The following PSME4 variants were observed in gnomAD, a reference collection of about 807,000 sequenced individuals.
PSME4 encodes proteasome activator subunit 4, also known as proteasome activator complex subunit 4.
PSME4 carries 89 observed loss-of-function variants against 253.9 expected under a neutral mutation model. The ratio of observed to expected loss-of-function variants is 0.35; its 90% CI spans 0.30 to 0.42. The LOEUF is 0.42. PSME4 is among the 10% of genes least tolerant of loss of function. The pLI is 1.00. For synonymous variants in PSME4, 851 were observed against 759.2 expected, an observed-to-expected ratio of 1.12 and a Z score of -1.99; for missense variants, 2,014 against 2,195.2, an observed-to-expected ratio of 0.92 and a Z score of 1.65.
At chr2:53,917,000 C>T (rs937804718) in intron 20 of PSME4, among the ~76,000 whole-genome samples, 4 of 151,580 alleles carry the variant, frequency 2.6e-5, no homozygotes, top group South Asian at 4.2e-4. Flanking sequence ...CCTAAAAATA[C>T]GTATTATTCA....
At chr2:53,970,431 T>A in intron 1 of PSME4, 112 bp downstream of exon 1, 1 of 1,498,546 alleles carries the variant, frequency 6.7e-7, no homozygotes, top group Non-Finnish European at 8.9e-7. Flanking sequence ...CGGGGACAGC[T>A]CCAGCGAGGA....
At chr2:53,908,596 T>C in intron 22 of PSME4, 31 bp from the exon 23 acceptor site, 4 of 1,567,240 alleles carry the variant, frequency 2.6e-6, no homozygotes, top group Non-Finnish European at 3.4e-6. Flanking sequence ...GGATTTTGGT[T>C]AAAATATTTT....
At chr2:53,948,103 C>A (rs1669809453) in intron 3 of PSME4, among the ~76,000 whole-genome samples, 1 of 152,082 alleles carries the variant, frequency 6.6e-6, no homozygotes. Context: ...ACCTGTCAGT[C>A]TAGTATGAAA....
At position 53,896,815 on chromosome 2, in the gene PSME4, G is replaced by T. The variant is rs774206836; in HGVS notation, c.3677C>A (p.Pro1226His). ...CTGGTAGTACTCACTGATTTCACAG[G>T]GGTTAATGGTCAGCTTTTTGTGGGT... ...KRTHKKLTIN[P>H]CEISGCPKPT... The change falls in exon 32 of 47, where the codon CCC becomes CAC. Residue 1226 changes from proline to histidine, a missense_variant. Around this residue, in one of 4 missense-constraint regions of PSME4, gnomAD observed 989 missense variants for 1,021.1 expected, o/e 0.97. Transcript: ENST00000404125. 1 of 1,604,852 alleles carries T rather than the reference G, an allele frequency of 6.2e-7. No individual in the cohort carries two copies. Among genetic ancestry groups the T allele is most frequent in the Non-Finnish European group, 8.5e-7 (1 of 1,171,706 alleles).
Position 53,885,900 on chromosome 2 carries a change from T to C in PSME4, c.4730-125A>G, listed in dbSNP as rs539178301. The stretch of plus-strand genomic sequence containing the variant: ...CAGCTCTTCGGTGCTATGAAAGATA[T>C]CATCTATGTTACTTCATAAATTAGA... On this transcript the variant is annotated intron_variant, in intron 40 of 46. Coordinates refer to ENST00000404125, the MANE Select transcript of PSME4 (RefSeq NM_014614.3). The C allele has an allele frequency of 2.0e-5, 11 of 557,848 alleles. No homozygotes were observed. The African/African-American group carries it at 2.1e-4, about 10-fold the overall frequency. The allele number at this position is 557,848 out of a possible 1,614,324, so 34.6% of individuals were successfully genotyped here. A position where few individuals can be genotyped will look rare whatever the true frequency, so the allele number is the denominator to read the frequency against.
Position 53,931,903 on chromosome 2 carries a change from T to A in PSME4, c.1248A>T (p.Glu416Asp). 1 of 1,614,208 alleles carries A rather than the reference T, an allele frequency of 6.2e-7. No individual in the cohort carries two copies. Among genetic ancestry groups the A allele is most frequent in the Non-Finnish European group, 8.5e-7 (1 of 1,180,026 alleles). ...LAMFSKTGSL[E>D]AAQALQNLAL... ...CAAGATTCTGCAAAGCCTGGGCTGCTTCTAGACTACCGGTTTTGCTAAACA... is the reference window on the plus strand; with the variant it reads ...CAAGATTCTGCAAAGCCTGGGCTGCATCTAGACTACCGGTTTTGCTAAACA... The change falls in exon 10 of 47, where the codon GAA becomes GAT. Residue 416 changes from glutamate (E) to aspartate (D), a missense_variant. Coordinates refer to ENST00000404125, the MANE Select transcript of PSME4 (RefSeq NM_014614.3).
intron 4 of PSME4, 90 bp from the exon 5 acceptor site, chr2:53,937,630 G>A (rs375794787): frequency 1.4e-4 from 166 of 1,221,630 alleles, no homozygotes; most frequent in African/African-American, 1.9e-4. Flanking sequence ...GGCTGGGGGA[G>A]GAGGAGAATA....
chr2:53,871,493 A>T (rs1208299972), intron 43 of PSME4, among the ~76,000 whole-genome samples: 1 of 151,770 alleles, frequency 6.6e-6, no homozygotes, highest in Non-Finnish European at 1.5e-5. Context: ...TGACCTCGTG[A>T]TCCGCCCACC....
intron 1 of PSME4, among the ~76,000 whole-genome samples, chr2:53,965,363 C>T (rs952628425): frequency 5.9e-5 from 9 of 151,836 alleles, no homozygotes; most frequent in African/African-American, 2.2e-4. Context: ...ATTCTTCTGC[C>T]TCAGTCTATA....
rs1371235820 is a variant in PSME4, at chr2:53,869,878, A to G, written c.5101-340T>C. 5 of 163,116 alleles carry G rather than the reference A, an allele frequency of 3.1e-5. No homozygotes were observed. The East Asian group carries it at 8.5e-4, about 28-fold the overall frequency. 10.1% of individuals were successfully genotyped at this position (163,116 alleles called of 1,614,324 possible). On this transcript the variant is annotated intron_variant, in intron 43 of 46. Coordinates refer to ENST00000404125, the MANE Select transcript of PSME4 (RefSeq NM_014614.3). ...CCTGACATTAAGATCAAGTTTTTCC[A>G]GACTCTACATCTCTGAAGGCCACTG...
intron 44 of PSME4, among the ~76,000 whole-genome samples, chr2:53,867,178 G>A (rs112184839): frequency 4.6e-3 from 695 of 152,274 alleles, no homozygotes; most frequent in African/African-American, 0.016. Flanking sequence ...GGGCAATAAA[G>A]TGAGAACCTG....
intron 19 of PSME4, 34 bp downstream of exon 19, chr2:53,920,159 A>G: frequency 6.5e-7 from 1 of 1,546,722 alleles, no homozygotes; most frequent in Non-Finnish European, 8.7e-7. Context: ...TTTAGTCTGC[A>G]ACTGAATAAC....
At chr2:53,886,891 T>C (rs1679664219) in intron 40 of PSME4, among the ~76,000 whole-genome samples, 1 of 152,148 alleles carries the variant, frequency 6.6e-6, no homozygotes, top group Non-Finnish European at 1.5e-5. Flanking sequence ...CTATGTAACA[T>C]GAAATAAGCC....
intron 44 of PSME4, among the ~76,000 whole-genome samples, chr2:53,869,170 CCTTT>C (rs1186276612): frequency 6.6e-6 from 1 of 152,124 alleles, no homozygotes; most frequent in Admixed American, 6.5e-5. Context: ...TCTACAGGTT[CCTTT>C]CTATCTACCT....
intron 39 of PSME4, 65 bp downstream of exon 39, chr2:53,887,793 A>G (rs1679709167): frequency 2.7e-6 from 4 of 1,474,978 alleles, no homozygotes; most frequent in Non-Finnish European, 3.7e-6. Flanking sequence ...ATTATTACCT[A>G]TTACAATTTA....
chr2:53,970,748 G>C lies in PSME4; in HGVS notation c.37C>G (p.Pro13Ala). The change falls in exon 1 of 47, where the codon CCG (proline) becomes GCG (alanine). Residue 13 changes from proline to alanine, a missense_variant. Pro to Ala is a conservative substitution (Grantham distance 27, BLOSUM62 -1). This residue lies in a region of PSME4 where 615 missense variants were observed against 594.4 expected (regional missense o/e 1.03). Coordinates refer to ENST00000404125, the MANE Select transcript of PSME4 (RefSeq NM_014614.3). ...GGCTCGGGACGCCCGCCCGGCTCCG[G>C]GGGCTCTCCGACTCCCGCCCGCTCG... is the stretch of plus-strand genomic sequence containing the variant. The part of the protein sequence containing the change: ...PAERAGVGEP[P>A]EPGGRPEPGP... 1 of 1,545,184 alleles carries C rather than the reference G, an allele frequency of 6.5e-7. No homozygotes were observed. The highest frequency in any genetic ancestry group is 8.7e-7 in the Non-Finnish European group (1 of 1,145,242).
In PSME4 at chr2:53,935,324, G is replaced by C. The variant is rs139315095; in HGVS notation, c.835-597C>G. On this transcript the variant is annotated intron_variant, in intron 7 of 46. Coordinates refer to ENST00000404125, the MANE Select transcript of PSME4 (RefSeq NM_014614.3). The stretch of plus-strand genomic sequence containing the variant: ...AGAAATGATTTCTCTTCCACAATTA[G>C]TTTCTAATGGCCAAACAACACAGGA... 4.0e-3 allele frequency among the ~76,000 whole-genome samples: 616 copies of C among 152,160 alleles called. 8 individuals are homozygous for C. The highest frequency in any genetic ancestry group is 0.014 in the African/African-American group (590 of 41,498).
intron 20 of PSME4, among the ~76,000 whole-genome samples, chr2:53,910,679 G>A (rs1463381023): frequency 1.3e-5 from 2 of 152,180 alleles, no homozygotes; most frequent in South Asian, 2.1e-4. Context: ...GCCTATAAGC[G>A]GTAGCCCTGC....
At chr2:53,870,263 A>T (rs973455259) in intron 43 of PSME4, 19 of 152,220 alleles carry the variant, frequency 1.2e-4, no homozygotes, top group African/African-American at 4.1e-4. Flanking sequence ...CGAGTACGTA[A>T]CATGTTCTTT....
Sources: gnomAD v4.1 joint callset for allele counts (sites outside exome capture counted in the v4.1 genomes callset) on GRCh38, gnomAD v4.1.1 for gene constraint, gnomAD v4.1.1 regional missense constraint, MANE v1.5 for transcripts, NCBI Gene and HGNC (gene_info 2026-07-23, HGNC 2026-07-21) for gene names.